The following TMTC2 variants were observed in gnomAD, a reference collection of about 807,000 sequenced individuals.
TMTC2 encodes the protein transmembrane O-mannosyltransferase targeting cadherins 2, also known as protein O-mannosyl-transferase TMTC2.
TMTC2 carries 43 observed loss-of-function variants against 82.4 expected under a neutral mutation model. That is an observed-to-expected ratio of 0.52 (90% CI 0.41 to 0.67). The LOEUF (loss-of-function observed/expected upper bound fraction) is 0.67, where lower values mean the gene tolerates loss of function less well. TMTC2 is among the 30% of genes least tolerant of loss of function. TMTC2 has a pLI of 0.00. For missense variants in TMTC2, 919 were observed against 1,012.4 expected, an observed-to-expected ratio of 0.91 and a Z score of 1.25; for synonymous variants, 408 against 381.9, an observed-to-expected ratio of 1.07 and a Z score of -0.80.
At chr12:83,042,569 C>T (rs1051161666) in intron 9 of TMTC2, among the ~76,000 whole-genome samples, 2 of 152,110 alleles carry the variant, frequency 1.3e-5, no homozygotes, top group African/African-American at 2.4e-5. Flanking sequence ...TTCCTTGTCC[C>T]TCCCCCGATT....
intron 1 of TMTC2, among the ~76,000 whole-genome samples, chr12:82,815,069 A>G (rs1370655136): frequency 6.6e-6 from 1 of 151,990 alleles, no homozygotes; most frequent in Non-Finnish European, 1.5e-5. Context: ...ATTTTCTGAT[A>G]GTAGTGTGTG....
intron 2 of TMTC2, among the ~76,000 whole-genome samples, chr12:82,867,487 G>C (rs1017290210): frequency 6.6e-6 from 1 of 152,126 alleles, no homozygotes; most frequent in African/African-American, 2.4e-5. Context: ...AAATGACTTA[G>C]TTCCTACTTA....
intron 10 of TMTC2, among the ~76,000 whole-genome samples, chr12:83,055,446 G>A (rs544234467): frequency 1.1e-4 from 16 of 152,106 alleles, no homozygotes; most frequent in African/African-American, 3.9e-4. Flanking sequence ...GCATAAAAAA[G>A]CAGATTGGTT....
intron 11 of TMTC2, among the ~76,000 whole-genome samples, chr12:83,062,727 C>T (rs1224246305): frequency 6.6e-6 from 1 of 151,740 alleles, no homozygotes; most frequent in East Asian, 1.9e-4. Flanking sequence ...GTGTAGCAGA[C>T]AAGACTGAAC....
At chr12:83,110,812 G>T (rs1437824056) in intron 11 of TMTC2, among the ~76,000 whole-genome samples, 1 of 152,146 alleles carries the variant, frequency 6.6e-6, no homozygotes, top group East Asian at 1.9e-4. Flanking sequence ...AACTCTCAGG[G>T]ATCTTGCCCT....
intron 1 of TMTC2, among the ~76,000 whole-genome samples, chr12:82,842,642 G>A (rs1298861086): frequency 1.3e-5 from 2 of 152,180 alleles, no homozygotes; most frequent in South Asian, 2.1e-4. Flanking sequence ...CACAGACTGG[G>A]TAGCATAAAC....
At chr12:82,927,026 C>A (rs188930138) in intron 3 of TMTC2, among the ~76,000 whole-genome samples, 157 of 152,226 alleles carry the variant, frequency 1.0e-3, no homozygotes, top group Non-Finnish European at 1.7e-3. Context: ...TGTTCTGTAG[C>A]CCATGGATCG....
chr12:82,711,797 CTA>C (rs1290271446), intron 1 of TMTC2, among the ~76,000 whole-genome samples: 2 of 152,182 alleles, frequency 1.3e-5, no homozygotes, highest in Non-Finnish European at 2.9e-5. Flanking sequence ...GCTAGAATCA[CTA>C]TGAGTGGTAG....
intron 2 of TMTC2, among the ~76,000 whole-genome samples, chr12:82,876,744 T>C (rs1398506410): frequency 1.3e-5 from 2 of 152,226 alleles, no homozygotes; most frequent in Admixed American, 6.5e-5. Flanking sequence ...CAACGATTTG[T>C]AATATTTACT....
intron 1 of TMTC2, among the ~76,000 whole-genome samples, chr12:82,753,201 G>A (rs1262718955): frequency 2.0e-5 from 3 of 152,006 alleles, no homozygotes; most frequent in East Asian, 1.9e-4. Context: ...CTACCCTCAG[G>A]AGCCAGGTCA....
At chr12:82,855,815 T>C (rs1034393135) in intron 1 of TMTC2, among the ~76,000 whole-genome samples, 1 of 152,264 alleles carries the variant, frequency 6.6e-6, no homozygotes, top group Non-Finnish European at 1.5e-5. Context: ...TTCTGAGCCA[T>C]AGTTAGGAAA....
intron 4 of TMTC2, among the ~76,000 whole-genome samples, chr12:82,954,316 T>C (rs1023255559): frequency 6.6e-6 from 1 of 152,190 alleles, no homozygotes; most frequent in Non-Finnish European, 1.5e-5. Flanking sequence ...ACCTGTTCTC[T>C]TGGGTAGGTG....
At chr12:82,713,451 A>T (rs1394029973) in intron 1 of TMTC2, among the ~76,000 whole-genome samples, 1 of 152,222 alleles carries the variant, frequency 6.6e-6, no homozygotes, top group African/African-American at 2.4e-5. Flanking sequence ...TTTACAAAAG[A>T]AAGAGTTTTA....
intron 4 of TMTC2, among the ~76,000 whole-genome samples, chr12:82,940,608 C>CT (rs986520598): frequency 4.3e-4 from 62 of 144,444 alleles, no homozygotes; most frequent in Middle Eastern, 3.6e-3. Context: ...ATATGTTTTG[C>CT]TTTTTTTTTT....
intron 1 of TMTC2, among the ~76,000 whole-genome samples, chr12:82,842,212 C>T (rs1265670216): frequency 6.6e-6 from 1 of 152,144 alleles, no homozygotes; most frequent in East Asian, 1.9e-4. Flanking sequence ...TAGTTTGTAG[C>T]ATTATTGAAG....
chr12:83,004,329 G>T (rs1460150947), intron 8 of TMTC2, among the ~76,000 whole-genome samples: 1 of 152,122 alleles, frequency 6.6e-6, no homozygotes, highest in Non-Finnish European at 1.5e-5. Context: ...CTTTCTTCTA[G>T]ATCTCATTGA....
intron 8 of TMTC2, among the ~76,000 whole-genome samples, chr12:83,017,812 T>G (rs1332624879): frequency 2.0e-5 from 1 of 49,498 alleles, no homozygotes; most frequent in Non-Finnish European, 4.4e-5. Flanking sequence ...GATTTATAAC[T>G]GAAAAAAAAA....
Position 83,134,220 on chromosome 12 carries a change from A to G in TMTC2, c.*1831A>G, listed in dbSNP as rs1885360185. 6.6e-6 allele frequency: 1 copy of G among 152,592 alleles called. No individual in the cohort carries two copies. Among genetic ancestry groups the G allele is most frequent in the Admixed American group, 6.6e-5 (1 of 15,264 alleles). The allele number at this position is 152,592 out of a possible 1,614,324, so 9.5% of individuals were successfully genotyped here. On this transcript the variant is annotated 3_prime_UTR_variant, in exon 12 of 12. Coordinates refer to ENST00000321196, the MANE Select transcript of TMTC2 (RefSeq NM_152588.3). ...CTGTGTTTTCAGAATGATATTTAAC[A>G]ACAAACCCGTGGTCAAACCAAAATA...
intron 8 of TMTC2, among the ~76,000 whole-genome samples, chr12:82,987,605 C>A (rs1026166090): frequency 6.6e-6 from 1 of 151,900 alleles, no homozygotes; most frequent in African/African-American, 2.4e-5. Flanking sequence ...TAACTGAATA[C>A]CAGAGCAGTG....
Sources: allele counts gnomAD v4.1 joint callset (sites outside exome capture counted in the v4.1 genomes callset), GRCh38; gene constraint gnomAD v4.1.1; transcripts MANE v1.5; gene names NCBI Gene and HGNC (gene_info 2026-07-23, HGNC 2026-07-21).